ANTXR2: variants seen among roughly 807,000 people sequenced by gnomAD.
ANTXR2 encodes the protein ANTXR cell adhesion molecule 2.
ANTXR2 carries 44 observed loss-of-function variants against 73.7 expected under a neutral mutation model. The observed-to-expected ratio is 0.60, with a 90% CI of 0.47 to 0.77. The LOEUF (loss-of-function observed/expected upper bound fraction) is 0.77. ANTXR2 is among the 30% of genes least tolerant of loss of function. The probability of loss-of-function intolerance (pLI) is 0.00; values close to 1 mark genes in which losing one functional copy is unlikely to be tolerated. For synonymous variants in ANTXR2, 217 were observed against 205.9 expected, an observed-to-expected ratio of 1.05 and a Z score of -0.46; for missense variants, 604 against 592.5, an observed-to-expected ratio of 1.02 and a Z score of -0.20.
chr4:79,999,189 A>T (rs955672442), intron 12 of ANTXR2, among the ~76,000 whole-genome samples: 2 of 151,932 alleles, frequency 1.3e-5, no homozygotes, highest in African/African-American at 4.8e-5. Flanking sequence ...CCCAAATCTC[A>T]TCTCGAATTG....
intron 3 of ANTXR2, among the ~76,000 whole-genome samples, chr4:80,067,469 C>G (rs1014471471): frequency 1.3e-5 from 2 of 152,204 alleles, no homozygotes; most frequent in African/African-American, 2.4e-5. Context: ...TTTCTACAAG[C>G]CTGGCATGAT....
intron 1 of ANTXR2, 22 bp downstream of exon 1, chr4:80,072,387 T>C: frequency 6.4e-7 from 1 of 1,574,740 alleles, no homozygotes; most frequent in South Asian, 1.2e-5. Flanking sequence ...CAGGAGACCC[T>C]GGACCTCCCT....
chr4:79,903,587 G>A lies in ANTXR2; in HGVS notation c.*3842C>T, dbSNP rs754042122. 6.6e-6 allele frequency: 1 copy of A among 152,064 alleles called. No individual in the cohort carries two copies. The highest frequency in any genetic ancestry group is 1.9e-4 in the East Asian group (1 of 5,192). The allele number at this position is 152,064 out of a possible 1,614,324, so 9.4% of individuals were successfully genotyped here. A position where few individuals can be genotyped will look rare whatever the true frequency, so the allele number is the denominator to read the frequency against. On this transcript the variant is annotated 3_prime_UTR_variant, in exon 17 of 17. Transcript: ENST00000403729. ...CAACAAAAAAGTCTTTCTTTTATCC[G>A]ATCGACTGAATTAGATTCCAGTAGG... is the stretch of plus-strand genomic sequence containing the variant.
chr4:80,020,394 G>A (rs1050444464), intron 10 of ANTXR2, among the ~76,000 whole-genome samples: 4 of 151,400 alleles, frequency 2.6e-5, no homozygotes, highest in Non-Finnish European at 5.9e-5. Flanking sequence ...AAAAAAAAAA[G>A]CAAAAACAAA....
intron 3 of ANTXR2, among the ~76,000 whole-genome samples, chr4:80,068,183 C>T (rs1368139510): frequency 6.6e-6 from 1 of 152,104 alleles, no homozygotes; most frequent in Non-Finnish European, 1.5e-5. Context: ...TCCCCCAGTT[C>T]CTTTAGATAT....
intron 12 of ANTXR2, among the ~76,000 whole-genome samples, chr4:79,994,446 A>G (rs1730629795): frequency 1.3e-5 from 2 of 152,026 alleles, no homozygotes; most frequent in Admixed American, 6.6e-5. Flanking sequence ...ACATCCTTCC[A>G]TTCCACTAAG....
chr4:79,949,048 A>G (rs1728610391), intron 16 of ANTXR2, among the ~76,000 whole-genome samples: 1 of 152,186 alleles, frequency 6.6e-6, no homozygotes. Flanking sequence ...AGAAAATATT[A>G]CCTCTTAATA....
At chr4:79,983,845 T>A in intron 14 of ANTXR2, 33 bp downstream of exon 14, 1 of 1,492,504 alleles carries the variant, frequency 6.7e-7, no homozygotes, top group Non-Finnish European at 9.3e-7. Flanking sequence ...ATACTCCAGA[T>A]TAGCAGCTTC....
At chr4:79,930,445 G>T (rs915959355) in intron 16 of ANTXR2, among the ~76,000 whole-genome samples, 17 of 152,154 alleles carry the variant, frequency 1.1e-4, no homozygotes, top group African/African-American at 3.9e-4. Flanking sequence ...TTCTTTTCAA[G>T]AACATATTCA....
Position 80,055,204 on chromosome 4 carries a change from C to T in ANTXR2, c.501G>A (p.Arg167=). 2 of 1,569,024 alleles carry T rather than the reference C, an allele frequency of 1.3e-6. No individual in the cohort carries two copies. The highest frequency in any genetic ancestry group is 1.7e-6 in the Non-Finnish European group (2 of 1,155,520). Residue 167 remains arginine (R), a synonymous_variant, in exon 6 of 17, where the codon AGG becomes AGA. Transcript: ENST00000403729. ...SYAEKEAKIS[R]SLGASVYCVG... ...CACAATAAACACTAGCCCCAAGTGA[C>T]CTGGATATCTTTGCCTATGGAGAAT...
At chr4:80,032,345 A>G (rs1732734464) in intron 9 of ANTXR2, among the ~76,000 whole-genome samples, 2 of 151,874 alleles carry the variant, frequency 1.3e-5, no homozygotes, top group African/African-American at 4.8e-5. Flanking sequence ...ATGAACTCAA[A>G]TATGTAATCA....
At position 79,948,791 on chromosome 4, in the gene ANTXR2, G is replaced by A. The variant is rs188490330; in HGVS notation, c.1428+28830C>T. Among the ~76,000 whole-genome samples the A allele has an allele frequency of 4.6e-3, 698 of 152,236 alleles. 10 individuals are homozygous for A. The highest frequency in any genetic ancestry group is 0.016 in the African/African-American group (666 of 41,540). ...AGGGGAGGAGGAAGGAAAGGAGGAG[G>A]AGGAGGAGAAACAGAAACAGAGAAA... is the stretch of plus-strand genomic sequence containing the variant. On this transcript the variant is annotated intron_variant, in intron 16 of 16. Transcript: ENST00000403729.
At chr4:80,016,951 T>C (rs569134542) in intron 11 of ANTXR2, among the ~76,000 whole-genome samples, 1 of 152,378 alleles carries the variant, frequency 6.6e-6, no homozygotes, top group South Asian at 2.1e-4. Context: ...GAAGGATTCC[T>C]GCATTACTGC....
At chr4:80,002,912 C>G in intron 12 of ANTXR2, among the ~76,000 whole-genome samples, 1 of 145,252 alleles carries the variant, frequency 6.9e-6, no homozygotes, top group Non-Finnish European at 1.5e-5. Context: ...CAGGAAACAA[C>G]AGGTGCTGGA....
intron 16 of ANTXR2, among the ~76,000 whole-genome samples, chr4:79,916,728 A>C (rs1727368843): frequency 6.6e-6 from 1 of 152,162 alleles, no homozygotes; most frequent in Non-Finnish European, 1.5e-5. Flanking sequence ...TACATCTGTT[A>C]GAAAGAATGA....
intron 7 of ANTXR2, among the ~76,000 whole-genome samples, chr4:80,048,370 C>T (rs1284962728): frequency 6.6e-6 from 1 of 151,248 alleles, no homozygotes; most frequent in Non-Finnish European, 1.5e-5. Context: ...CTACATTCAG[C>T]GCTAATGATC....
At chr4:79,937,658 A>G (rs1439374835) in intron 16 of ANTXR2, among the ~76,000 whole-genome samples, 2 of 152,240 alleles carry the variant, frequency 1.3e-5, no homozygotes, top group Non-Finnish European at 2.9e-5. Flanking sequence ...ATGCTTATGT[A>G]TATATTGAGC....
At chr4:80,042,998 A>G (rs565092574) in intron 7 of ANTXR2, among the ~76,000 whole-genome samples, 50 of 152,184 alleles carry the variant, frequency 3.3e-4, no homozygotes, top group African/African-American at 1.2e-3. Context: ...GGTATACACA[A>G]TACTATCTGT....
At position 79,901,443 on chromosome 4, in the gene ANTXR2, TTAA is replaced by T. The variant is rs1726697606; in HGVS notation, c.*5983_*5985del. On this transcript the variant is annotated 3_prime_UTR_variant, in exon 17 of 17. Coordinates refer to ENST00000403729, the MANE Select transcript of ANTXR2 (RefSeq NM_058172.6). The stretch of plus-strand genomic sequence containing the variant: ...TTTCTTTGTTTGGCATCTAAATTGT[TTAA>T]AATCACCTTGCCTTTTAGTTCATGG... 1 of 151,886 alleles carries T rather than the reference TTAA, an allele frequency of 6.6e-6. No individual in the cohort carries two copies. Among genetic ancestry groups the T allele is most frequent in the African/African-American group, 2.4e-5 (1 of 41,352 alleles). 9.4% of individuals were successfully genotyped at this position (151,886 alleles called of 1,614,324 possible).
Sources: gnomAD v4.1 joint callset for allele counts (sites outside exome capture counted in the v4.1 genomes callset) on GRCh38, gnomAD v4.1.1 for gene constraint, MANE v1.5 for transcripts, NCBI Gene and HGNC (gene_info 2026-07-23, HGNC 2026-07-21) for gene names.